ACAA2: variants seen among roughly 807,000 people sequenced by gnomAD.
ACAA2 encodes 3-ketoacyl-CoA thiolase, mitochondrial.
A neutral mutation model predicts 44.8 loss-of-function variants in ACAA2; 35 were observed. That is an observed-to-expected ratio of 0.78 (90% CI 0.60 to 1.04). The LOEUF is 1.04. Among genes scored for constraint, ACAA2 ranks in the 50% least tolerant of loss-of-function variants. The pLI, the probability that ACAA2 is intolerant of heterozygous loss-of-function variation, is 0.00. For synonymous variants in ACAA2, 142 were observed against 166.5 expected (o/e 0.85, Z 1.13); for missense variants, 468 against 482.6 (o/e 0.97, Z 0.28).
At chr18:49,802,273 G>GT (rs2023560006) in intron 2 of ACAA2, among the ~76,000 whole-genome samples, 1 of 152,184 alleles carries the variant, frequency 6.6e-6, no homozygotes, top group South Asian at 2.1e-4. Flanking sequence ...TATAAAGTCT[G>GT]TAACTATTGG....
At chr18:49,805,673 C>A (rs1379747622) in intron 1 of ACAA2, among the ~76,000 whole-genome samples, 1 of 152,058 alleles carries the variant, frequency 6.6e-6, no homozygotes, top group African/African-American at 2.4e-5. Flanking sequence ...ACTTTCCCAA[C>A]TCAAGTGATC....
intron 1 of ACAA2, among the ~76,000 whole-genome samples, chr18:49,807,668 T>C (rs2023623785): frequency 6.6e-6 from 1 of 151,966 alleles, no homozygotes; most frequent in Non-Finnish European, 1.5e-5. Flanking sequence ...CCTGTCTCTA[T>C]AAAAAATTAA....
Position 49,783,694 on chromosome 18 carries a change from A to G in ACAA2, c.*153T>C, listed in dbSNP as rs2023292091. 8.2e-6 allele frequency: 5 copies of G among 606,966 alleles called. No individual in the cohort carries two copies. The highest frequency in any genetic ancestry group is 2.8e-5 in the Admixed American group (1 of 35,398). The allele number at this position is 606,966 out of a possible 1,614,324, so 37.6% of individuals were successfully genotyped here. ...TAGCATGGGCTCCTATTCATGATCA[A>G]TGCATTTTTGTGTCACCATGGCTTG... On this transcript the variant is annotated 3_prime_UTR_variant, in exon 10 of 10. Coordinates refer to ENST00000285093, the MANE Select transcript of ACAA2 (RefSeq NM_006111.3).
chr18:49,787,640 C>T (rs1055529034), intron 7 of ACAA2, among the ~76,000 whole-genome samples: 1 of 151,642 alleles, frequency 6.6e-6, no homozygotes, highest in African/African-American at 2.4e-5. Context: ...AAGACCCCAT[C>T]TCTAAAAAAG....
At chr18:49,785,016 G>A (rs1471079317) in intron 9 of ACAA2, among the ~76,000 whole-genome samples, 181 bp downstream of exon 9, 58 of 152,142 alleles carry the variant, frequency 3.8e-4, no homozygotes, top group Non-Finnish European at 1.6e-4. Context: ...CCACTAACAA[G>A]GTGACTGACT....
chr18:49,803,479 T>A (rs1023448402), intron 1 of ACAA2, among the ~76,000 whole-genome samples: 5 of 152,144 alleles, frequency 3.3e-5, no homozygotes, highest in Non-Finnish European at 7.4e-5. Flanking sequence ...AATTTCTTTT[T>A]GAGGGAGCTC....
chr18:49,802,359 C>A (rs1162543131), intron 2 of ACAA2, among the ~76,000 whole-genome samples: 1 of 151,920 alleles, frequency 6.6e-6, no homozygotes, highest in South Asian at 2.1e-4. Context: ...GTCAAGAGAT[C>A]GAGACCATCC....
chr18:49,805,451 T>A (rs1010487124), intron 1 of ACAA2, among the ~76,000 whole-genome samples: 2 of 152,256 alleles, frequency 1.3e-5, no homozygotes, highest in Admixed American at 1.3e-4. Context: ...GTCGAGTGCA[T>A]TACAAACGTT....
intron 1 of ACAA2, among the ~76,000 whole-genome samples, chr18:49,807,339 A>C (rs1460484731): frequency 2.6e-5 from 4 of 152,256 alleles, no homozygotes; most frequent in Non-Finnish European, 5.9e-5. Flanking sequence ...ACTGCACTCC[A>C]GCCTGGGTGA....
rs2023285868 is a variant in ACAA2 at position 49,783,140 on chromosome 18, T to TACAC, written c.*703_*706dup. On this transcript the variant is annotated 3_prime_UTR_variant, in exon 10 of 10. Coordinates refer to ENST00000285093, the MANE Select transcript of ACAA2 (RefSeq NM_006111.3). ...AAAAGAAGGAAATTCTGACACATGC[T>TACAC]ACACCATAAGGTGGATGAATCTTGA... 1 of 152,224 alleles carries TACAC rather than the reference T, an allele frequency of 6.6e-6. No homozygotes were observed. Among genetic ancestry groups the TACAC allele is most frequent in the South Asian group, 2.1e-4 (1 of 4,836 alleles). 9.4% of individuals were successfully genotyped at this position (152,224 alleles called of 1,614,324 possible). A position where few individuals can be genotyped will look rare whatever the true frequency, so the allele number is the denominator to read the frequency against.
chr18:49,791,316 C>T (rs1326653376), intron 7 of ACAA2, among the ~76,000 whole-genome samples, 154 bp downstream of exon 7: 3 of 152,164 alleles, frequency 2.0e-5, no homozygotes, highest in Non-Finnish European at 1.5e-5. Context: ...GTGTCTAGGA[C>T]AGTTCTTCAT....
intron 7 of ACAA2, among the ~76,000 whole-genome samples, chr18:49,787,650 G>GA (rs757135565): frequency 3.3e-5 from 5 of 150,518 alleles, no homozygotes; most frequent in African/African-American, 1.2e-4. Flanking sequence ...CTCTAAAAAA[G>GA]AAAAAAAATA....
In ACAA2 at chr18:49,791,347, G is replaced by T; in HGVS notation, c.883+123C>A. On this transcript the variant is annotated intron_variant, in intron 7 of 9. Transcript: ENST00000285093. Reference sequence around the variant, plus strand: ...TTCATAAAGATTTTTTATTTAAACTGATTACCAATCTTCTTTTCTCTACAG... The same window carrying T: ...TTCATAAAGATTTTTTATTTAAACTTATTACCAATCTTCTTTTCTCTACAG... 5 of 864,490 alleles carry T rather than the reference G, an allele frequency of 5.8e-6. No individual in the cohort carries two copies. In the Admixed American group the frequency reaches 7.5e-5, roughly 13 times the overall value. The allele number at this position is 864,490 out of a possible 1,614,324, so 53.6% of individuals were successfully genotyped here. A position where few individuals can be genotyped will look rare whatever the true frequency, so the allele number is the denominator to read the frequency against.
intron 3 of ACAA2, among the ~76,000 whole-genome samples, 196 bp downstream of exon 3, chr18:49,797,270 T>TC (rs1418618494): frequency 6.6e-6 from 1 of 151,736 alleles, no homozygotes; most frequent in African/African-American, 2.4e-5. Flanking sequence ...ATTAGCTTTT[T>TC]TTTTTTTTTC....
chr18:49,812,012 AT>A (rs1162995862), intron 1 of ACAA2, among the ~76,000 whole-genome samples: 3 of 152,210 alleles, frequency 2.0e-5, no homozygotes, highest in Non-Finnish European at 4.4e-5. Context: ...ATCAGTAAAA[AT>A]ATTATTTCCT....
chr18:49,812,895 G>T (rs2023686919), intron 1 of ACAA2: 1 of 152,292 alleles, frequency 6.6e-6, no homozygotes, highest in Non-Finnish European at 1.5e-5. Flanking sequence ...TGAAAAGGGA[G>T]TTTATTACAC....
At chr18:49,798,589 G>A (rs1374566126) in intron 2 of ACAA2, among the ~76,000 whole-genome samples, 1 of 151,996 alleles carries the variant, frequency 6.6e-6, no homozygotes, top group African/African-American at 2.4e-5. Flanking sequence ...CAAGGTACGG[G>A]GTTTTAGGAT....
In ACAA2 at chr18:49,785,078, C is replaced by T. The variant is rs530045980; in HGVS notation, c.1109+119G>A. On this transcript the variant is annotated intron_variant, in intron 9 of 9. Coordinates refer to ENST00000285093, the MANE Select transcript of ACAA2 (RefSeq NM_006111.3). ...TGCCCAAGTAACTTGTTCCTGGTAACAGCCAGTGCAGGAGACATGAAGAAG... is the reference window on the plus strand; with the variant it reads ...TGCCCAAGTAACTTGTTCCTGGTAATAGCCAGTGCAGGAGACATGAAGAAG... 1.5e-4 allele frequency: 183 copies of T among 1,214,638 alleles called. No homozygotes were observed. The East Asian group carries it at 4.4e-3, about 29-fold the overall frequency. 75.2% of individuals were successfully genotyped at this position (1,214,638 alleles called of 1,614,324 possible).
chr18:49,813,268 A>G (rs1392726815), intron 1 of ACAA2, among the ~76,000 whole-genome samples: 1 of 152,262 alleles, frequency 6.6e-6, no homozygotes, highest in Non-Finnish European at 1.5e-5. Context: ...CGCTGTCGCT[A>G]GCGCCTTACA....
Sources: allele counts gnomAD v4.1 joint callset (sites outside exome capture counted in the v4.1 genomes callset), GRCh38; gene constraint gnomAD v4.1.1; transcripts MANE v1.5; gene names NCBI Gene and HGNC (gene_info 2026-07-23, HGNC 2026-07-21).